The following RIN2 variants were observed in gnomAD, a reference collection of about 807,000 sequenced individuals.
The protein encoded by RIN2 is Ras and Rab interactor 2, also known as RAB5 interacting protein 2.
RIN2 carries 36 observed loss-of-function variants against 78.0 expected under a neutral mutation model. The ratio of observed to expected loss-of-function variants is 0.46; its 90% CI spans 0.35 to 0.61. The LOEUF (loss-of-function observed/expected upper bound fraction) is 0.61, where lower values mean the gene tolerates loss of function less well. Ranked by LOEUF, RIN2 falls within the 20% of genes least tolerant of loss-of-function variation. RIN2 has a pLI of 0.00. For missense variants in RIN2, 1,087 were observed against 1,159.7 expected, an observed-to-expected ratio of 0.94 and a Z score of 0.91; for synonymous variants, 466 against 466.8, an observed-to-expected ratio of 1.00 and a Z score of 0.02.
chr20:19,858,577 GT>G (rs753376753), intron 2 of RIN2, among the ~76,000 whole-genome samples: 1 of 152,156 alleles, frequency 6.6e-6, no homozygotes, highest in Non-Finnish European at 1.5e-5. Context: ...TGAAGTTCGT[GT>G]TTTAAGGACA....
rs770889016 is a variant in RIN2 at position 19,974,715 on chromosome 20, T to C, written c.690T>C (p.Leu230=). 7 of 1,613,836 alleles carry C rather than the reference T, an allele frequency of 4.3e-6. No homozygotes were observed. Among genetic ancestry groups the C allele is most frequent in the Admixed American group, 3.3e-5 (2 of 60,012 alleles). The change falls in exon 9 of 13, where the codon CTT becomes CTC. Residue 230 remains leucine (L), a synonymous_variant. Transcript: ENST00000255006. ...PPNLPPPHRP[L]SSDGVCPASL... ...ACCTTCCACCTCCCCATAGGCCTCTTTCCTCCGACGGTGTCTGTCCTGCCT... is the reference window on the plus strand; with the variant it reads ...ACCTTCCACCTCCCCATAGGCCTCTCTCCTCCGACGGTGTCTGTCCTGCCT...
chr20:19,956,528 G>C, intron 4 of RIN2, 87 bp from the exon 5 acceptor site: 1 of 1,287,020 alleles, frequency 7.8e-7, no homozygotes, highest in East Asian at 2.5e-5. Context: ...GCGGTGGCAA[G>C]CCTGGCCTAT....
At chr20:19,995,405 A>C (rs570213896) in intron 11 of RIN2, among the ~76,000 whole-genome samples, 1 of 152,294 alleles carries the variant, frequency 6.6e-6, no homozygotes, top group Non-Finnish European at 1.5e-5. Context: ...AATGTCTCTA[A>C]ATCTAAAATA....
intron 1 of RIN2, among the ~76,000 whole-genome samples, chr20:19,766,133 G>C (rs896412692): frequency 9.2e-5 from 14 of 152,136 alleles, no homozygotes; most frequent in African/African-American, 3.4e-4. Context: ...ATCTGTCATG[G>C]ATGGGGCACC....
chr20:19,889,738 C>G (rs923904239), intron 3 of RIN2, 80 bp downstream of exon 3: 1 of 1,144,252 alleles, frequency 8.7e-7, no homozygotes, highest in Non-Finnish European at 1.2e-6. Flanking sequence ...CATGGAGCTG[C>G]TGAGGGAAGT....
chr20:19,846,705 T>C (rs2036795489), intron 2 of RIN2, among the ~76,000 whole-genome samples: 1 of 152,250 alleles, frequency 6.6e-6, no homozygotes, highest in African/African-American at 2.4e-5. Context: ...TTGAATATGC[T>C]TTATTTCTTT....
In RIN2 at chr20:19,974,930, A is replaced by C. The variant is rs755519179; in HGVS notation, c.905A>C (p.Glu302Ala). 3.1e-6 allele frequency: 5 copies of C among 1,613,744 alleles called. No individual in the cohort carries two copies. In the East Asian group the frequency reaches 8.9e-5, roughly 29 times the overall value. The change falls in exon 9 of 13, where the codon GAG becomes GCG. Residue 302 changes from glutamate to alanine, a missense_variant. Glu to Ala is a moderately radical substitution (Grantham distance 107, BLOSUM62 -1). This residue lies in a region of RIN2 where 706 missense variants were observed against 667.5 expected (regional missense o/e 1.06). Transcript: ENST00000255006. Reference sequence around the variant, plus strand: ...AGGACTCCCAACGCGAATGGCACGGAGCGGACTCGGTCCCCCCCACCCAGG... The same window carrying C: ...AGGACTCCCAACGCGAATGGCACGGCGCGGACTCGGTCCCCCCCACCCAGG... ...STRTPNANGT[E>A]RTRSPPPRPP...
chr20:19,882,923 C>T (rs4814919), intron 2 of RIN2, among the ~76,000 whole-genome samples: 18,481 of 152,094 alleles, frequency 0.12, 1,352 homozygotes, highest in East Asian at 0.29. Context: ...GCATAACATA[C>T]GGGTTAATTG....
At chr20:19,960,890 G>C (rs1600954574) in intron 6 of RIN2, 79 bp downstream of exon 6, 1 of 867,366 alleles carries the variant, frequency 1.2e-6, no homozygotes, top group Non-Finnish European at 1.8e-6. Flanking sequence ...AAGGAGCTCT[G>C]GTTATGAGAT....
intron 3 of RIN2, among the ~76,000 whole-genome samples, chr20:19,919,878 C>T (rs1222467046): frequency 6.6e-6 from 1 of 152,176 alleles, no homozygotes; most frequent in Non-Finnish European, 1.5e-5. Context: ...AAGCCTGATG[C>T]TTAATAAGTA....
intron 2 of RIN2, among the ~76,000 whole-genome samples, chr20:19,870,342 T>A (rs1315686557): frequency 6.6e-6 from 1 of 152,176 alleles, no homozygotes; most frequent in African/African-American, 2.4e-5. Context: ...GCCTCTTTAA[T>A]CTTTTTTAAG....
chr20:19,913,882 T>C lies in RIN2; in HGVS notation c.58-21217T>C, dbSNP rs115748682. Among the ~76,000 whole-genome samples the C allele has an allele frequency of 6.5e-3, 996 of 152,362 alleles. 10 individuals are homozygous for C. Among genetic ancestry groups the C allele is most frequent in the African/African-American group, 0.022 (902 of 41,584 alleles). ...TTTTGACTGTGGGAAATAATGCTGC[T>C]ATGAATGTGGATTAGAACCTGTTTT... On this transcript the variant is annotated intron_variant, in intron 3 of 12. Coordinates refer to ENST00000255006, the MANE Select transcript of RIN2 (RefSeq NM_018993.4).
At chr20:19,875,891 G>A (rs1434105054) in intron 2 of RIN2, among the ~76,000 whole-genome samples, 1 of 152,220 alleles carries the variant, frequency 6.6e-6, no homozygotes, top group Non-Finnish European at 1.5e-5. Context: ...GAGTGCAGAG[G>A]ATGGGAAGGA....
intron 3 of RIN2, among the ~76,000 whole-genome samples, chr20:19,904,728 G>A (rs372939553): frequency 2.6e-4 from 40 of 152,304 alleles, no homozygotes; most frequent in Admixed American, 8.5e-4. Context: ...TATCGGAAGC[G>A]GTGATGGGTA....
At chr20:19,937,196 C>A (rs1054876861) in intron 4 of RIN2, among the ~76,000 whole-genome samples, 4 of 152,184 alleles carry the variant, frequency 2.6e-5, no homozygotes, top group African/African-American at 9.7e-5. Flanking sequence ...AGGGCCAGTT[C>A]AGTTATTTCT....
chr20:19,776,729 C>G (rs1359549608), intron 1 of RIN2, among the ~76,000 whole-genome samples: 1 of 147,470 alleles, frequency 6.8e-6, no homozygotes, highest in East Asian at 2.0e-4. Flanking sequence ...GAGACCCTGT[C>G]TCAAAAAAAA....
chr20:19,805,980 G>C (rs1180960891), intron 2 of RIN2, among the ~76,000 whole-genome samples: 2 of 152,078 alleles, frequency 1.3e-5, no homozygotes, highest in Non-Finnish European at 2.9e-5. Flanking sequence ...TTGGTTTTCT[G>C]TCCTTGTGAT....
chr20:19,872,467 C>T (rs1368346799), intron 2 of RIN2, among the ~76,000 whole-genome samples: 2 of 152,128 alleles, frequency 1.3e-5, no homozygotes, highest in African/African-American at 2.4e-5. Flanking sequence ...GATTGTACCT[C>T]GCTCACTTCC....
At chr20:19,896,669 T>C (rs910169995) in intron 3 of RIN2, among the ~76,000 whole-genome samples, 23 of 152,198 alleles carry the variant, frequency 1.5e-4, no homozygotes, top group Non-Finnish European at 2.5e-4. Flanking sequence ...CATAATAGTA[T>C]TGCAAAGCAT....
Sources: gnomAD v4.1 joint callset for allele counts (sites outside exome capture counted in the v4.1 genomes callset) on GRCh38, gnomAD v4.1.1 for gene constraint, gnomAD v4.1.1 regional missense constraint, MANE v1.5 for transcripts, NCBI Gene and HGNC (gene_info 2026-07-23, HGNC 2026-07-21) for gene names.